EYA1: variants seen among roughly 807,000 people sequenced by gnomAD.
EYA1 encodes the protein EYA transcriptional coactivator and phosphatase 1, also known as protein phosphatase EYA1.
Under a neutral mutation model 82.0 loss-of-function variants are expected in EYA1, and 16 were observed. The observed-to-expected ratio is 0.20, with a 90% CI of 0.13 to 0.30. The LOEUF is 0.30. Ranked by LOEUF, EYA1 falls within the 10% of genes least tolerant of loss-of-function variation. The pLI is 1.00. For synonymous variants in EYA1, 261 were observed against 264.4 expected, an observed-to-expected ratio of 0.99 and a Z score of 0.12; for missense variants, 633 against 730.7, an observed-to-expected ratio of 0.87 and a Z score of 1.54.
chr8:71,541,274 T>C (rs1361743721), intron 1 of EYA1, among the ~76,000 whole-genome samples: 3 of 152,218 alleles, frequency 2.0e-5, no homozygotes, highest in Admixed American at 6.5e-5. Context: ...GTAGATGTGG[T>C]TTCTACAGAA....
chr8:71,541,945 C>T (rs1403550054), intron 1 of EYA1, among the ~76,000 whole-genome samples: 1 of 152,176 alleles, frequency 6.6e-6, no homozygotes, highest in Non-Finnish European at 1.5e-5. Context: ...CTGCAAACAA[C>T]TGGCAGCAAA....
chr8:71,201,394 G>A (rs1338393623), intron 17 of EYA1, among the ~76,000 whole-genome samples: 6 of 151,970 alleles, frequency 3.9e-5, no homozygotes, highest in Non-Finnish European at 7.4e-5. Context: ...TTATTCAGCT[G>A]TGTAAATTAT....
At chr8:71,259,497 T>G (rs1466850529) in intron 11 of EYA1, among the ~76,000 whole-genome samples, 3 of 152,220 alleles carry the variant, frequency 2.0e-5, no homozygotes. Context: ...TTCAGCCTGC[T>G]GGAGAAAGGT....
At chr8:71,291,781 C>T (rs919948028) in intron 9 of EYA1, among the ~76,000 whole-genome samples, 1 of 152,064 alleles carries the variant, frequency 6.6e-6, no homozygotes, top group South Asian at 2.1e-4. Flanking sequence ...AGTGATGTGC[C>T]TCATTTTCCT....
intron 3 of EYA1, among the ~76,000 whole-genome samples, chr8:71,350,423 G>A (rs1826189066): frequency 6.6e-6 from 1 of 152,068 alleles, no homozygotes; most frequent in African/African-American, 2.4e-5. Context: ...TTATAAAACT[G>A]AATCTATCAT....
At chr8:71,343,283 C>T (rs1346309622) in intron 3 of EYA1, among the ~76,000 whole-genome samples, 1 of 152,162 alleles carries the variant, frequency 6.6e-6, no homozygotes, top group African/African-American at 2.4e-5. Flanking sequence ...CTTTCTCCCC[C>T]TTCTCCTTCA....
intron 7 of EYA1, among the ~76,000 whole-genome samples, chr8:71,314,755 A>G (rs1279481137): frequency 2.0e-5 from 3 of 152,214 alleles, no homozygotes; most frequent in Non-Finnish European, 4.4e-5. Context: ...GTCATGTGAA[A>G]TAATGCCTCA....
chr8:71,224,212 C>T (rs1367780949), intron 12 of EYA1, among the ~76,000 whole-genome samples: 1 of 152,204 alleles, frequency 6.6e-6, no homozygotes, highest in Admixed American at 6.5e-5. Context: ...AGTTGAGTTA[C>T]ACAAGTCCAA....
intron 12 of EYA1, among the ~76,000 whole-genome samples, chr8:71,226,231 ATAATAT>A (rs1810540416): frequency 1.3e-5 from 2 of 152,172 alleles, no homozygotes; most frequent in African/African-American, 4.8e-5. Context: ...ATATTTTCTT[ATAATAT>A]TAATCCCTTT....
At chr8:71,301,861 T>A (rs945313893) in intron 7 of EYA1, among the ~76,000 whole-genome samples, 1 of 152,044 alleles carries the variant, frequency 6.6e-6, no homozygotes, top group Non-Finnish European at 1.5e-5. Flanking sequence ...GCTAAAAGGA[T>A]GACTAAGACA....
intron 16 of EYA1, 40 bp from the exon 17 acceptor site, chr8:71,211,296 G>A (rs367996378): frequency 2.9e-6 from 4 of 1,380,324 alleles, no homozygotes; most frequent in Non-Finnish European, 4.1e-6. Flanking sequence ...GTGAAGTTTG[G>A]GTAACCTAAT....
intron 2 of EYA1, among the ~76,000 whole-genome samples, chr8:71,488,725 T>A (rs1428340167): frequency 6.6e-6 from 1 of 152,210 alleles, no homozygotes; most frequent in Non-Finnish European, 1.5e-5. Context: ...TAGGTGTATG[T>A]TACACCTTAA....
chr8:71,370,867 C>T (rs1366399247), intron 2 of EYA1, among the ~76,000 whole-genome samples: 1 of 152,106 alleles, frequency 6.6e-6, no homozygotes, highest in Non-Finnish European at 1.5e-5. Flanking sequence ...TCAAGCGATG[C>T]TCCCACCTTG....
At chr8:71,429,475 A>G (rs1025849302) in intron 2 of EYA1, among the ~76,000 whole-genome samples, 2 of 152,166 alleles carry the variant, frequency 1.3e-5, no homozygotes, top group African/African-American at 4.8e-5. Context: ...ATTGGTAGGC[A>G]CCTTGATAAT....
At chr8:71,341,757 A>C (rs1825150191) in intron 3 of EYA1, among the ~76,000 whole-genome samples, 1 of 152,216 alleles carries the variant, frequency 6.6e-6, no homozygotes, top group Non-Finnish European at 1.5e-5. Context: ...AGGAAAAAAC[A>C]TTAGCTCTTC....
intron 2 of EYA1, among the ~76,000 whole-genome samples, chr8:71,436,595 C>T (rs1022669221): frequency 1.9e-4 from 29 of 152,226 alleles, no homozygotes; most frequent in Middle Eastern, 3.4e-3. Flanking sequence ...TGCGCCTCTC[C>T]GCTGTGCTGT....
At chr8:71,425,104 CAAAAAAAAAAAAA>C (rs71264555) in intron 2 of EYA1, among the ~76,000 whole-genome samples, 1 of 75,292 alleles carries the variant, frequency 1.3e-5, no homozygotes, top group African/African-American at 5.6e-5. Flanking sequence ...ACTAAAAATA[CAAAAAAAAAAAAA>C]AAAAAAAAAA....
chr8:71,358,194 A>G (rs1323318321), intron 1 of EYA1, among the ~76,000 whole-genome samples: 1 of 152,200 alleles, frequency 6.6e-6, no homozygotes, highest in Non-Finnish European at 1.5e-5. Context: ...TTAGATTTAT[A>G]TTTGTACTTT....
chr8:71,531,931 A>C (rs1396023638), intron 2 of EYA1, among the ~76,000 whole-genome samples: 2 of 152,184 alleles, frequency 1.3e-5, no homozygotes, highest in Non-Finnish European at 2.9e-5. Context: ...AACCTTCCAG[A>C]ATTAGAAAGG....
Sources: allele counts gnomAD v4.1 joint callset (sites outside exome capture counted in the v4.1 genomes callset), GRCh38; gene constraint gnomAD v4.1.1; transcripts MANE v1.5; gene names NCBI Gene and HGNC (gene_info 2026-07-23, HGNC 2026-07-21).